Variants in PTBP3 observed in about 807,000 individuals in gnomAD.
PTBP3 encodes polypyrimidine tract binding protein 3, also known as polypyrimidine tract-binding protein 3.
A neutral mutation model predicts 58.7 loss-of-function variants in PTBP3; 20 were observed. That is an observed-to-expected ratio of 0.34 (90% CI 0.24 to 0.50). The LOEUF (loss-of-function observed/expected upper bound fraction) is 0.50, where lower values mean the gene tolerates loss of function less well. Among genes scored for constraint, PTBP3 ranks in the 20% least tolerant of loss-of-function variants. PTBP3 has a pLI of 0.98. For synonymous variants in PTBP3, 185 were observed against 219.8 expected, an observed-to-expected ratio of 0.84 and a Z score of 1.40; for missense variants, 509 against 637.2, an observed-to-expected ratio of 0.80 and a Z score of 2.17.
intron 2 of PTBP3, among the ~76,000 whole-genome samples, chr9:112,293,765 A>ACC (rs1764894123): frequency 6.6e-6 from 1 of 152,170 alleles, no homozygotes; most frequent in Admixed American, 6.5e-5. Context: ...TGTCCTTGTT[A>ACC]CCCTTCCTGT....
Position 112,223,919 on chromosome 9 carries a change from C to A in PTBP3, c.1507G>T (p.Glu503Ter). The change falls in exon 14 of 14, where the codon GAG becomes TAG. Residue 503 changes from glutamate (E) to a stop codon, truncating the protein, a stop_gained. Coordinates refer to ENST00000374257, the MANE Select transcript of PTBP3 (RefSeq NM_001163788.4). LOFTEE classifies it high-confidence loss of function. The stretch of plus-strand genomic sequence containing the variant: ...TCTCCAAGGTCATGGTTATGAAGCT[C>A]AATGAGGGCCTGAATTGCTTCTTCC... ...SVEEAIQALI[E>*]LHNHDLGENH... 1 of 1,613,762 alleles carries A rather than the reference C, an allele frequency of 6.2e-7. No individual in the cohort carries two copies. The highest frequency in any genetic ancestry group is 8.5e-7 in the Non-Finnish European group (1 of 1,179,834).
intron 1 of PTBP3, among the ~76,000 whole-genome samples, chr9:112,301,595 A>G (rs1828940116): frequency 6.6e-6 from 1 of 152,224 alleles, no homozygotes; most frequent in Non-Finnish European, 1.5e-5. Context: ...GCCAGGAGAT[A>G]GAGATGGTTG....
chr9:112,234,728 T>G, intron 8 of PTBP3, 92 bp downstream of exon 8: 1 of 1,248,154 alleles, frequency 8.0e-7, no homozygotes, highest in South Asian at 1.3e-5. Flanking sequence ...TGGTAAATTC[T>G]TCAAATATGA....
At chr9:112,246,603 G>A (rs1215513840) in intron 7 of PTBP3, among the ~76,000 whole-genome samples, 1 of 151,508 alleles carries the variant, frequency 6.6e-6, no homozygotes, top group Non-Finnish European at 1.5e-5. Flanking sequence ...TGAGGCAGGA[G>A]TATGGTGTGA....
intron 1 of PTBP3, among the ~76,000 whole-genome samples, chr9:112,327,121 T>C (rs1435404400): frequency 1.3e-5 from 2 of 151,948 alleles, no homozygotes; most frequent in African/African-American, 2.4e-5. Flanking sequence ...GGAGGATCAC[T>C]TGGGCCTTAG....
chr9:112,312,520 T>C (rs889883987), intron 1 of PTBP3, among the ~76,000 whole-genome samples: 1 of 137,940 alleles, frequency 7.2e-6, no homozygotes, highest in Non-Finnish European at 1.5e-5. Flanking sequence ...AAAAAGGACG[T>C]GTGTGTGTGC....
At chr9:112,376,917 A>G in the PTBP3 span, among the ~76,000 whole-genome samples, 1 of 152,342 alleles carries the variant, frequency 6.6e-6, no homozygotes, top group South Asian at 2.1e-4. Flanking sequence ...CTCAGTATTA[A>G]CCATCACAAG....
intron 3 of PTBP3, among the ~76,000 whole-genome samples, chr9:112,272,358 C>T (rs1827425377): frequency 6.6e-6 from 1 of 152,140 alleles, no homozygotes; most frequent in Non-Finnish European, 1.5e-5. Context: ...AACCACTGTG[C>T]CCAGCCTTTG....
Position 112,221,485 on chromosome 9 carries a change from A to G in PTBP3, c.*2366T>C. The G allele has an allele frequency of 1.0e-6, 1 of 985,490 alleles. No individual in the cohort carries two copies. The highest frequency in any genetic ancestry group is 1.2e-6 in the Non-Finnish European group (1 of 829,580). The allele number at this position is 985,490 out of a possible 1,614,324, so 61.0% of individuals were successfully genotyped here. A position where few individuals can be genotyped will look rare whatever the true frequency, so the allele number is the denominator to read the frequency against. ...AATTACACAGTAATTCCTAACTTAA[A>G]GTAAATGAAATAATCCAATTTAACA... On this transcript the variant is annotated 3_prime_UTR_variant, in exon 14 of 14. Coordinates refer to ENST00000374257, the MANE Select transcript of PTBP3 (RefSeq NM_001163788.4).
At chr9:112,301,201 C>A (rs1828919861) in intron 1 of PTBP3, among the ~76,000 whole-genome samples, 1 of 152,004 alleles carries the variant, frequency 6.6e-6, no homozygotes, top group African/African-American at 2.4e-5. Flanking sequence ...AAAGGTATTT[C>A]TCCAAAGAAG....
intron 1 of PTBP3, chr9:112,332,714 C>G: frequency 1.3e-6 from 2 of 1,570,196 alleles, no homozygotes; most frequent in Admixed American, 1.8e-5. Context: ...ATTTTGGTCA[C>G]GGACCCCCAT....
At chr9:112,267,315 G>A (rs1457682994) in intron 4 of PTBP3, among the ~76,000 whole-genome samples, 4 of 151,920 alleles carry the variant, frequency 2.6e-5, no homozygotes, top group East Asian at 1.9e-4. Context: ...ACAGATGACC[G>A]CCACCACGCC....
In PTBP3 at chr9:112,244,289, C is replaced by CAAA. The variant is rs56052359; in HGVS notation, c.802+6637_802+6639dup. Among the ~76,000 whole-genome samples, 58 of 36,306 alleles carry CAAA rather than the reference C, an allele frequency of 1.6e-3. 10 individuals are homozygous for CAAA. Among genetic ancestry groups the CAAA allele is most frequent in the South Asian group, 3.7e-3 (2 of 540 alleles). 23.8% of individuals were successfully genotyped at this position (36,306 alleles called of 152,430 possible). A position where few individuals can be genotyped will look rare whatever the true frequency, so the allele number is the denominator to read the frequency against. ...TGGGCAACAGAGTGAGACTCTGTCT[C>CAAA]AAAAAAAAAAAAAAAAAAGTTCTCA... On this transcript the variant is annotated intron_variant, in intron 7 of 13. Transcript: ENST00000374257.
At position 112,221,716 on chromosome 9, in the gene PTBP3, A is replaced by G. The variant is rs1834814383; in HGVS notation, c.*2135T>C. Reference sequence around the variant, plus strand: ...CTATTCAGCCAAACTGATCCATTTGAAAAGTCTTAACTTAGTATCCCTCCT... The same window carrying G: ...CTATTCAGCCAAACTGATCCATTTGGAAAGTCTTAACTTAGTATCCCTCCT... On this transcript the variant is annotated 3_prime_UTR_variant, in exon 14 of 14. Coordinates refer to ENST00000374257, the MANE Select transcript of PTBP3 (RefSeq NM_001163788.4). The G allele has an allele frequency of 1.0e-6, 1 of 985,070 alleles. No individual in the cohort carries two copies. The highest frequency in any genetic ancestry group is 1.7e-5 in the African/African-American group (1 of 57,250). 61.0% of individuals were successfully genotyped at this position (985,070 alleles called of 1,614,324 possible). A position where few individuals can be genotyped will look rare whatever the true frequency, so the allele number is the denominator to read the frequency against.
At chr9:112,283,571 A>G (rs1011281366) in intron 2 of PTBP3, among the ~76,000 whole-genome samples, 1 of 152,248 alleles carries the variant, frequency 6.6e-6, no homozygotes, top group African/African-American at 2.4e-5. Flanking sequence ...GATAGAGCAT[A>G]AAGGTTTGGA....
At chr9:112,245,771 A>G (rs1334662854) in intron 7 of PTBP3, among the ~76,000 whole-genome samples, 4 of 152,190 alleles carry the variant, frequency 2.6e-5, no homozygotes, top group Admixed American at 6.5e-5. Flanking sequence ...TCAAAAGGCC[A>G]CAGAGCCAGT....
intron 1 of PTBP3, among the ~76,000 whole-genome samples, 171 bp from the exon 2 acceptor site, chr9:112,298,087 C>T (rs1482230960): frequency 6.6e-6 from 1 of 152,188 alleles, no homozygotes; most frequent in Non-Finnish European, 1.5e-5. Context: ...GAAAAAATTA[C>T]TGCAAATCCA....
At chr9:112,253,069 T>A (rs946294528) in intron 5 of PTBP3, among the ~76,000 whole-genome samples, 3 of 152,212 alleles carry the variant, frequency 2.0e-5, no homozygotes, top group Non-Finnish European at 4.4e-5. Context: ...TGGTATGAGA[T>A]GTGTTACAAA....
At chr9:112,369,035 G>A in the PTBP3 span, among the ~76,000 whole-genome samples, 2 of 152,232 alleles carry the variant, frequency 1.3e-5, no homozygotes, top group African/African-American at 4.8e-5. Flanking sequence ...GATGCAAAGA[G>A]GTGAGGAATT....
Sources: gnomAD v4.1 joint callset for allele counts (sites outside exome capture counted in the v4.1 genomes callset) on GRCh38, gnomAD v4.1.1 for gene constraint, MANE v1.5 for transcripts, NCBI Gene and HGNC (gene_info 2026-07-23, HGNC 2026-07-21) for gene names.